Variants in KCNIP4 observed in about 807,000 individuals in gnomAD.
The protein encoded by KCNIP4 is potassium voltage-gated channel interacting protein 4, also known as Kv channel-interacting protein 4.
KCNIP4 carries 12 observed loss-of-function variants against 34.0 expected under a neutral mutation model. The observed-to-expected ratio is 0.35, with a 90% CI of 0.23 to 0.57. The LOEUF (loss-of-function observed/expected upper bound fraction) is 0.57, where lower values mean the gene tolerates loss of function less well. Among genes scored for constraint, KCNIP4 ranks in the 20% least tolerant of loss-of-function variants. KCNIP4 has a pLI of 0.83. For synonymous variants in KCNIP4, 124 were observed against 102.2 expected, an observed-to-expected ratio of 1.21 and a Z score of -1.29; for missense variants, 238 against 311.7, an observed-to-expected ratio of 0.76 and a Z score of 1.78.
Position 21,363,460 on chromosome 4 carries a change from C to G in KCNIP4, c.62-480751G>C, listed in dbSNP as rs540657384. Among the ~76,000 whole-genome samples the G allele has an allele frequency of 3.3e-5, 5 of 152,226 alleles. No individual in the cohort carries two copies. The South Asian group carries it at 1.0e-3, about 32-fold the overall frequency. The stretch of plus-strand genomic sequence containing the variant: ...AAGTGAACCAGGAGTGTTTGAAGGC[C>G]TGCTTTGTAACCAACTGCATCAACA... On this transcript the variant is annotated intron_variant, in intron 1 of 8. Transcript: ENST00000382152.
At chr4:20,864,175 CATGTATGTATGCGTACAT>C (rs1722581253) in intron 2 of KCNIP4, among the ~76,000 whole-genome samples, 1 of 63,828 alleles carries the variant, frequency 1.6e-5, no homozygotes, top group Admixed American at 2.3e-4. Flanking sequence ...TATGTATACA[CATGTATGTATGCGTACAT>C]ATGTATGTAC....
At chr4:20,811,247 G>A (rs576568447) in intron 3 of KCNIP4, among the ~76,000 whole-genome samples, 58 of 152,278 alleles carry the variant, frequency 3.8e-4, no homozygotes, top group Non-Finnish European at 6.3e-4. Flanking sequence ...TGCTTAAAAC[G>A]TGAAAAATAG....
chr4:21,918,749 CCGG>C, intron 1 of KCNIP4, among the ~76,000 whole-genome samples: 2 of 152,076 alleles, frequency 1.3e-5, no homozygotes, highest in African/African-American at 4.8e-5. Flanking sequence ...AAGACAGTGT[CCGG>C]TCAGATCACT....
chr4:21,205,618 C>T (rs183284737), intron 1 of KCNIP4, among the ~76,000 whole-genome samples: 6 of 152,324 alleles, frequency 3.9e-5, no homozygotes, highest in Non-Finnish European at 5.9e-5. Flanking sequence ...AAACTTACCA[C>T]GTGCTTTACA....
intron 1 of KCNIP4, among the ~76,000 whole-genome samples, chr4:20,967,625 G>A (rs937350402): frequency 7.2e-5 from 11 of 152,076 alleles, no homozygotes; most frequent in African/African-American, 1.9e-4. Flanking sequence ...AAATAACACC[G>A]TATGTCTACA....
intron 3 of KCNIP4, among the ~76,000 whole-genome samples, chr4:20,787,300 G>A (rs536236805): frequency 3.7e-4 from 57 of 152,082 alleles, no homozygotes; most frequent in African/African-American, 1.3e-3. Context: ...TGCTACCACC[G>A]CAATTTATTT....
chr4:20,969,502 G>A (rs1356192596), intron 1 of KCNIP4, among the ~76,000 whole-genome samples: 1 of 152,074 alleles, frequency 6.6e-6, no homozygotes, highest in Non-Finnish European at 1.5e-5. Context: ...ACATTACAGT[G>A]GGACAGGTAA....
At chr4:21,915,170 C>T (rs1030032403) in intron 1 of KCNIP4, among the ~76,000 whole-genome samples, 2 of 152,132 alleles carry the variant, frequency 1.3e-5, no homozygotes, top group African/African-American at 4.8e-5. Context: ...AAACATAAAG[C>T]TGCCACAGAC....
chr4:21,832,574 TA>T (rs1236557188), intron 1 of KCNIP4, among the ~76,000 whole-genome samples: 4 of 35,366 alleles, frequency 1.1e-4, no homozygotes, highest in Non-Finnish European at 3.1e-4. Flanking sequence ...TTTTTGTTTT[TA>T]TTTTTTTTAT....
chr4:21,756,917 G>T (rs1717568627), intron 1 of KCNIP4, among the ~76,000 whole-genome samples: 1 of 151,610 alleles, frequency 6.6e-6, no homozygotes, highest in Non-Finnish European at 1.5e-5. Flanking sequence ...GCCATGATGT[G>T]AAATCCCTAT....
intron 1 of KCNIP4, among the ~76,000 whole-genome samples, chr4:20,886,646 G>A (rs374411461): frequency 2.6e-5 from 4 of 152,152 alleles, no homozygotes; most frequent in African/African-American, 9.7e-5. Context: ...GAGCACCTCT[G>A]GCGTTGCCCT....
intron 1 of KCNIP4, among the ~76,000 whole-genome samples, chr4:21,310,982 G>A (rs545676087): frequency 6.6e-6 from 1 of 152,274 alleles, no homozygotes; most frequent in South Asian, 2.1e-4. Context: ...ATTTATGGCA[G>A]AGGCAGTACA....
intron 3 of KCNIP4, among the ~76,000 whole-genome samples, chr4:20,769,174 C>A (rs1281507182): frequency 1.3e-5 from 2 of 150,164 alleles, no homozygotes; most frequent in African/African-American, 4.9e-5. Context: ...ATGCAGGAAA[C>A]AATAGCATCT....
chr4:20,767,475 T>G (rs950288106), intron 3 of KCNIP4: 4 of 152,170 alleles, frequency 2.6e-5, no homozygotes, highest in Non-Finnish European at 4.4e-5. Context: ...TGGAGAAAGA[T>G]CCATGTATGC....
intron 1 of KCNIP4, among the ~76,000 whole-genome samples, chr4:21,650,132 C>G (rs578051826): frequency 1.2e-4 from 19 of 152,284 alleles, no homozygotes; most frequent in Non-Finnish European, 2.2e-4. Context: ...AAAGCATTTT[C>G]CTTCCCAACC....
At chr4:21,351,102 G>C (rs914625550) in intron 1 of KCNIP4, among the ~76,000 whole-genome samples, 2 of 152,118 alleles carry the variant, frequency 1.3e-5, no homozygotes, top group Non-Finnish European at 2.9e-5. Context: ...TAATTAGGCT[G>C]AAATGACAGG....
At chr4:21,222,653 C>G (rs1457254515) in intron 1 of KCNIP4, among the ~76,000 whole-genome samples, 4 of 152,106 alleles carry the variant, frequency 2.6e-5, no homozygotes, top group African/African-American at 4.8e-5. Context: ...ATTTTTTACA[C>G]TCTGTGTCTT....
At chr4:20,809,576 C>T (rs538342886) in intron 3 of KCNIP4, among the ~76,000 whole-genome samples, 7 of 152,130 alleles carry the variant, frequency 4.6e-5, no homozygotes, top group East Asian at 1.9e-4. Context: ...AAATTCTCAA[C>T]GACTGGAATA....
chr4:21,859,484 C>T (rs1488241203), intron 1 of KCNIP4, among the ~76,000 whole-genome samples: 4 of 151,780 alleles, frequency 2.6e-5, no homozygotes, highest in East Asian at 1.9e-4. Flanking sequence ...AAAAATTAGC[C>T]GGGCGTGGTG....
Sources: gnomAD v4.1 joint callset for allele counts (sites outside exome capture counted in the v4.1 genomes callset) on GRCh38, gnomAD v4.1.1 for gene constraint, MANE v1.5 for transcripts, NCBI Gene and HGNC (gene_info 2026-07-23, HGNC 2026-07-21) for gene names.